The following NCOA7 variants were observed in gnomAD, a reference collection of about 807,000 sequenced individuals.
NCOA7 encodes 140 kDa estrogen receptor-associated protein.
NCOA7 carries 45 observed loss-of-function variants against 104.3 expected under a neutral mutation model. That is an observed-to-expected ratio of 0.43 (90% CI 0.34 to 0.55). The LOEUF (loss-of-function observed/expected upper bound fraction) is 0.55, where lower values mean the gene tolerates loss of function less well. Among genes scored for constraint, NCOA7 ranks in the 20% least tolerant of loss-of-function variants. NCOA7 has a pLI of 0.02. For synonymous variants in NCOA7, 398 were observed against 402.3 expected, an observed-to-expected ratio of 0.99 and a Z score of 0.13; for missense variants, 1,041 against 1,119.7, an observed-to-expected ratio of 0.93 and a Z score of 1.00.
In NCOA7 at chr6:125,890,784, G is replaced by A. The variant is rs1175217908; in HGVS notation, c.2070G>A (p.Glu690=). The A allele has an allele frequency of 6.2e-7, 1 of 1,611,004 alleles. No homozygotes were observed. Among genetic ancestry groups the A allele is most frequent in the Admixed American group, 1.7e-5 (1 of 59,466 alleles). ...QQYGKRRKQP[E]YWFAVPRERV... ...ACGGCAAACGGAGAAAGCAGCCAGA[G>A]TACTGGTTTGCTGTTCCTCGGGAGA... Residue 690 remains glutamate, a synonymous_variant, in exon 10 of 16, where the codon GAG becomes GAA. Coordinates refer to ENST00000392477, the MANE Select transcript of NCOA7 (RefSeq NM_181782.5).
At chr6:125,823,388 A>C (rs1778377216) in intron 2 of NCOA7, among the ~76,000 whole-genome samples, 1 of 152,260 alleles carries the variant, frequency 6.6e-6, no homozygotes, top group Non-Finnish European at 1.5e-5. Flanking sequence ...CAATTTTATT[A>C]ATCTTAAAAA....
chr6:125,805,314 C>T (rs766627588), intron 1 of NCOA7, among the ~76,000 whole-genome samples: 1 of 151,866 alleles, frequency 6.6e-6, no homozygotes, highest in Admixed American at 6.6e-5. Flanking sequence ...AGGGTGGCCT[C>T]GAACTCCTGA....
At chr6:125,837,813 C>T (rs959230767) in intron 2 of NCOA7, among the ~76,000 whole-genome samples, 14 of 152,194 alleles carry the variant, frequency 9.2e-5, no homozygotes, top group East Asian at 5.8e-4. Context: ...AAAGAAATTA[C>T]GATATACTAT....
chr6:125,866,356 A>G (rs1782445740), intron 3 of NCOA7, among the ~76,000 whole-genome samples: 1 of 152,104 alleles, frequency 6.6e-6, no homozygotes, highest in African/African-American at 2.4e-5. Flanking sequence ...AAAGATATAT[A>G]ACTTTATTTT....
In NCOA7 at chr6:125,931,136, T is replaced by A. The variant is rs1265376169; in HGVS notation, c.*2365T>A. 3 of 152,632 alleles carry A rather than the reference T, an allele frequency of 2.0e-5. No individual in the cohort carries two copies. Among genetic ancestry groups the A allele is most frequent in the Non-Finnish European group, 2.9e-5 (2 of 68,044 alleles). The allele number at this position is 152,632 out of a possible 1,614,324, so 9.5% of individuals were successfully genotyped here. On this transcript the variant is annotated 3_prime_UTR_variant, in exon 16 of 16. Transcript: ENST00000392477. The stretch of plus-strand genomic sequence containing the variant: ...ATTTTCTTTCCCAAAGATTCATTCA[T>A]CAGGTATTTACTGGGTACCAGAGTG...
At chr6:125,887,147 A>G (rs1784324801) in intron 8 of NCOA7, among the ~76,000 whole-genome samples, 1 of 152,262 alleles carries the variant, frequency 6.6e-6, no homozygotes, top group Non-Finnish European at 1.5e-5. Context: ...AGGGGTAGAC[A>G]AGGTAATCTA....
At chr6:125,873,290 T>G (rs1362432764) in intron 3 of NCOA7, among the ~76,000 whole-genome samples, 2 of 152,184 alleles carry the variant, frequency 1.3e-5, no homozygotes, top group East Asian at 3.8e-4. Flanking sequence ...ATTCTCATTC[T>G]CCACTCCCAT....
chr6:125,827,488 G>A (rs1778767050), intron 2 of NCOA7, among the ~76,000 whole-genome samples: 1 of 152,080 alleles, frequency 6.6e-6, no homozygotes. Context: ...TTTGCTGTGA[G>A]GGAAAGCAAC....
intron 11 of NCOA7, chr6:125,919,101 A>T: frequency 1.6e-6 from 1 of 611,986 alleles, no homozygotes; most frequent in Non-Finnish European, 2.6e-6. Flanking sequence ...ACCGTTTCAA[A>T]GGTGAAAGTG....
At chr6:125,906,003 G>T (rs569214217) in intron 10 of NCOA7, among the ~76,000 whole-genome samples, 157 of 152,046 alleles carry the variant, frequency 1.0e-3, no homozygotes, top group Non-Finnish European at 2.0e-3. Flanking sequence ...GGGTTTCACC[G>T]TATTGGCCAG....
Position 125,929,278 on chromosome 6 carries a change from G to T in NCOA7, c.*507G>T. On this transcript the variant is annotated 3_prime_UTR_variant, in exon 16 of 16. Coordinates refer to ENST00000392477, the MANE Select transcript of NCOA7 (RefSeq NM_181782.5). ...AAAAAAAAACTTTTATTTATTATTT[G>T]TAGTATATTGTCTGAAATGTGTCGG... 6.7e-6 allele frequency: 1 copy of T among 150,254 alleles called. No individual in the cohort carries two copies. Among genetic ancestry groups the T allele is most frequent in the African/African-American group, 2.5e-5 (1 of 40,734 alleles). 9.3% of individuals were successfully genotyped at this position (150,254 alleles called of 1,614,324 possible).
chr6:125,917,055 T>A (rs1041998164), intron 11 of NCOA7, among the ~76,000 whole-genome samples: 3 of 152,184 alleles, frequency 2.0e-5, no homozygotes, highest in Non-Finnish European at 2.9e-5. Context: ...TACTCTGTGC[T>A]TAAAAGCTTC....
chr6:125,836,281 A>G (rs1779601794), intron 2 of NCOA7, among the ~76,000 whole-genome samples: 1 of 152,236 alleles, frequency 6.6e-6, no homozygotes, highest in Non-Finnish European at 1.5e-5. Flanking sequence ...GTTGGTAAAT[A>G]TGAATTTTCA....
chr6:125,824,115 A>T (rs769482187), intron 2 of NCOA7, among the ~76,000 whole-genome samples: 25 of 152,166 alleles, frequency 1.6e-4, no homozygotes, highest in Non-Finnish European at 2.8e-4. Context: ...CATCTAACAC[A>T]CATTGGCTGA....
intron 1 of NCOA7, among the ~76,000 whole-genome samples, chr6:125,796,000 T>C (rs888184272): frequency 3.9e-5 from 6 of 152,168 alleles, no homozygotes; most frequent in African/African-American, 1.4e-4. Context: ...AGTATGATTT[T>C]TCTTCTCCAT....
At chr6:125,799,692 T>G (rs1019139542) in intron 1 of NCOA7, among the ~76,000 whole-genome samples, 4 of 152,194 alleles carry the variant, frequency 2.6e-5, no homozygotes, top group African/African-American at 7.2e-5. Context: ...TCCGCCCTCC[T>G]CAGCCTCCCA....
At chr6:125,828,030 A>T (rs995180228) in intron 2 of NCOA7, among the ~76,000 whole-genome samples, 9 of 152,240 alleles carry the variant, frequency 5.9e-5, no homozygotes, top group Admixed American at 5.9e-4. Context: ...ACAATTGGGT[A>T]TGTGTAAATC....
intron 2 of NCOA7, among the ~76,000 whole-genome samples, chr6:125,825,030 C>A (rs1257913862): frequency 6.6e-6 from 1 of 152,048 alleles, no homozygotes; most frequent in Non-Finnish European, 1.5e-5. Context: ...GAGGGAACTC[C>A]ATCTCAAAAA....
intron 10 of NCOA7, among the ~76,000 whole-genome samples, chr6:125,893,621 G>A (rs1784783475): frequency 6.6e-6 from 1 of 152,178 alleles, no homozygotes; most frequent in African/African-American, 2.4e-5. Flanking sequence ...GAGGGTGGTA[G>A]TAAGGACAGC....
Sources: gnomAD v4.1 joint callset for allele counts (sites outside exome capture counted in the v4.1 genomes callset) on GRCh38, gnomAD v4.1.1 for gene constraint, MANE v1.5 for transcripts, NCBI Gene and HGNC (gene_info 2026-07-23, HGNC 2026-07-21) for gene names.